LY96: variants seen among roughly 807,000 people sequenced by gnomAD.
The protein encoded by LY96 is lymphocyte antigen 96, also known as myeloid differentiation protein-2.
LY96 carries 18 observed loss-of-function variants against 18.9 expected under a neutral mutation model. The observed-to-expected ratio is 0.95, with a 90% CI of 0.66 to 1.41. LY96 has a LOEUF of 1.41. Ranked by LOEUF, LY96 falls within the 40% of genes most tolerant of loss-of-function variation. The pLI, the probability that LY96 is intolerant of heterozygous loss-of-function variation, is 0.00. For missense variants in LY96, 175 were observed against 182.4 expected, an observed-to-expected ratio of 0.96 and a Z score of 0.23; for synonymous variants, 66 against 62.6, an observed-to-expected ratio of 1.06 and a Z score of -0.26.
At chr8:74,089,059 A>G in the LY96 span, among the ~76,000 whole-genome samples, 2,834 of 152,238 alleles carry the variant, frequency 0.019, 26 homozygotes, top group African/African-American at 0.026. Context: ...AACTGCTGGG[A>G]ACAATCCCCT....
At chr8:74,097,927 C>A in the LY96 span, among the ~76,000 whole-genome samples, 2 of 152,098 alleles carry the variant, frequency 1.3e-5, no homozygotes, top group African/African-American at 4.8e-5. Flanking sequence ...CTATGGCCAG[C>A]AGAGAAATTG....
chr8:74,077,008 A>G, the LY96 span, among the ~76,000 whole-genome samples: 1 of 152,162 alleles, frequency 6.6e-6, no homozygotes, highest in Admixed American at 6.6e-5. Context: ...ATTTGCTACA[A>G]TGACTCATAG....
intron 3 of LY96, 150 bp downstream of exon 3, chr8:74,010,279 T>C: frequency 1.5e-6 from 1 of 671,066 alleles, no homozygotes; most frequent in Non-Finnish European, 2.5e-6. Context: ...TTAAATAACA[T>C]TTTATAACTA....
At chr8:73,998,680 C>A (rs1816200043) in intron 1 of LY96, among the ~76,000 whole-genome samples, 1 of 148,022 alleles carries the variant, frequency 6.8e-6, no homozygotes, top group Non-Finnish European at 1.5e-5. Context: ...GAAATCCTGT[C>A]TCTTCTCTCT....
At chr8:74,075,783 AT>A in the LY96 span, among the ~76,000 whole-genome samples, 85 of 152,342 alleles carry the variant, frequency 5.6e-4, 1 homozygote, top group South Asian at 4.1e-3. Flanking sequence ...GCTGAAAATC[AT>A]GTTTTAAATA....
the LY96 span, among the ~76,000 whole-genome samples, chr8:74,055,296 A>T: frequency 1.3e-3 from 189 of 151,164 alleles, no homozygotes; most frequent in African/African-American, 4.2e-3. Flanking sequence ...CTGTATGCTA[A>T]TTATTTATTT....
chr8:74,068,642 G>A, the LY96 span, among the ~76,000 whole-genome samples: 27 of 152,310 alleles, frequency 1.8e-4, no homozygotes, highest in Non-Finnish European at 1.5e-5. Flanking sequence ...TTGGTCATTA[G>A]TAGGTATGCA....
At chr8:74,014,250 G>GAA (rs113588242) in intron 3 of LY96, among the ~76,000 whole-genome samples, 19 of 138,880 alleles carry the variant, frequency 1.4e-4, no homozygotes, top group East Asian at 6.2e-4. Context: ...CACCATCTCT[G>GAA]AAAAAAAAAA....
At chr8:74,050,065 G>A in the LY96 span, among the ~76,000 whole-genome samples, 14 of 151,916 alleles carry the variant, frequency 9.2e-5, no homozygotes, top group Non-Finnish European at 1.9e-4. Flanking sequence ...AAGTATGACC[G>A]GGCATGGTGG....
intron 2 of LY96, among the ~76,000 whole-genome samples, chr8:74,007,973 T>A (rs1304764378): frequency 6.6e-6 from 1 of 152,216 alleles, no homozygotes; most frequent in African/African-American, 2.4e-5. Context: ...TTGGCCAGGA[T>A]GGTCTCGAAC....
chr8:74,030,428 G>A (rs1387446010), downstream of LY96, among the ~76,000 whole-genome samples: 3 of 152,134 alleles, frequency 2.0e-5, no homozygotes, highest in Non-Finnish European at 4.4e-5. Flanking sequence ...CAGGAGAATC[G>A]CTTGAACCCG....
At chr8:73,995,581 C>T (rs1242048096) in intron 1 of LY96, among the ~76,000 whole-genome samples, 1 of 152,126 alleles carries the variant, frequency 6.6e-6, no homozygotes, top group African/African-American at 2.4e-5. Context: ...TTCTGTCGGT[C>T]CATAACATAC....
chr8:74,035,015 C>T, the LY96 span, among the ~76,000 whole-genome samples: 1 of 152,146 alleles, frequency 6.6e-6, no homozygotes, highest in Non-Finnish European at 1.5e-5. Context: ...GACAAAGCCT[C>T]CTGGGTACAA....
chr8:74,031,653 AT>A (rs1000609172), downstream of LY96, among the ~76,000 whole-genome samples: 2 of 150,820 alleles, frequency 1.3e-5, no homozygotes, highest in Admixed American at 6.6e-5. Flanking sequence ...AAAAAAAGTA[AT>A]TTTTTTTTAG....
At chr8:74,039,971 T>C in the LY96 span, among the ~76,000 whole-genome samples, 10 of 152,248 alleles carry the variant, frequency 6.6e-5, no homozygotes, top group South Asian at 2.1e-3. Flanking sequence ...AGACTCCCTT[T>C]TGCAGTCTGC....
the LY96 span, among the ~76,000 whole-genome samples, chr8:74,069,138 T>C: frequency 1.5e-3 from 236 of 152,364 alleles, no homozygotes; most frequent in Non-Finnish European, 2.4e-3. Flanking sequence ...GTCAGATAAA[T>C]ATATTGTGAA....
chr8:74,023,136 C>A (rs1401177618), intron 3 of LY96, among the ~76,000 whole-genome samples: 1 of 152,198 alleles, frequency 6.6e-6, no homozygotes, highest in Admixed American at 6.5e-5. Flanking sequence ...TGGACCGGTT[C>A]TTGGTTCCCG....
chr8:74,034,659 A>G, the LY96 span, among the ~76,000 whole-genome samples: 57 of 152,194 alleles, frequency 3.7e-4, no homozygotes, highest in Non-Finnish European at 7.5e-4. Context: ...CAAGGAAACC[A>G]GAATCATGGT....
chr8:74,050,388 T>TA, the LY96 span, among the ~76,000 whole-genome samples: 4 of 151,590 alleles, frequency 2.6e-5, no homozygotes, highest in Admixed American at 1.3e-4. Flanking sequence ...TTAAAATATT[T>TA]AAAAAAAAGA....
Sources: gnomAD v4.1 joint callset for allele counts (sites outside exome capture counted in the v4.1 genomes callset) on GRCh38, gnomAD v4.1.1 for gene constraint, MANE v1.5 for transcripts, NCBI Gene and HGNC (gene_info 2026-07-23, HGNC 2026-07-21) for gene names.